Variants in CPNE2 observed in about 807,000 individuals in gnomAD.
CPNE2 encodes the protein copine 2.
Under a neutral mutation model 69.7 loss-of-function variants are expected in CPNE2, and 42 were observed. The observed-to-expected ratio is 0.60, with a 90% CI of 0.47 to 0.78. The LOEUF (loss-of-function observed/expected upper bound fraction) is 0.78. Among genes scored for constraint, CPNE2 ranks in the 30% least tolerant of loss-of-function variants. CPNE2 has a pLI of 0.00. For missense variants in CPNE2, 587 were observed against 732.0 expected (o/e 0.80, Z 2.29); for synonymous variants, 294 against 289.8 (o/e 1.01, Z -0.15).
chr16:57,137,089 G>C, intron 13 of CPNE2, 60 bp from the exon 14 acceptor site: 1 of 1,592,924 alleles, frequency 6.3e-7, no homozygotes, highest in Middle Eastern at 1.7e-4. Flanking sequence ...TCAGCAGTGA[G>C]ATGAGAGTGG....
At chr16:57,093,066 C>T (rs1343135630) in intron 1 of CPNE2, among the ~76,000 whole-genome samples, 1 of 152,088 alleles carries the variant, frequency 6.6e-6, no homozygotes, top group Non-Finnish European at 1.5e-5. Context: ...GGGTCCGAGC[C>T]CAGCTGCTTT....
chr16:57,108,329 A>G (rs2069660515), intron 1 of CPNE2, among the ~76,000 whole-genome samples: 1 of 152,238 alleles, frequency 6.6e-6, no homozygotes, highest in Non-Finnish European at 1.5e-5. Flanking sequence ...AGGATTAGTG[A>G]CATTGTTCAG....
chr16:57,110,753 T>C lies in CPNE2; in HGVS notation c.11T>C (p.Ile4Thr), dbSNP rs1469852013. The C allele has an allele frequency of 1.9e-6, 3 of 1,610,440 alleles. No individual in the cohort carries two copies. Among genetic ancestry groups the C allele is most frequent in the Admixed American group, 1.7e-5 (1 of 59,732 alleles). ...CCGCCACCGGCTCCCATGGCCCACA[T>C]ACCCAGTGGGGGTGCCCCAGCAGCG... MAH[I>T]PSGGAPAAGA... is the part of the protein sequence containing the mutation. Residue 4 changes from isoleucine to threonine, a missense_variant, in exon 2 of 16, where the codon ATA (isoleucine) becomes ACA (threonine). Around this residue, in one of 5 missense-constraint regions of CPNE2, gnomAD observed 96 missense variants for 94.9 expected, o/e 1.01. Transcript: ENST00000290776.
intron 1 of CPNE2, among the ~76,000 whole-genome samples, chr16:57,095,596 C>T (rs1442251537): frequency 6.6e-6 from 1 of 152,178 alleles, no homozygotes; most frequent in African/African-American, 2.4e-5. Context: ...CCTTAGCCTC[C>T]CAAGTAACTG....
At chr16:57,133,589 GTC>G (rs2069854235) in intron 12 of CPNE2, among the ~76,000 whole-genome samples, 1 of 152,172 alleles carries the variant, frequency 6.6e-6, no homozygotes, top group Non-Finnish European at 1.5e-5. Flanking sequence ...GAGCTGAAGA[GTC>G]TGTCTGGGAT....
intron 10 of CPNE2, chr16:57,125,520 G>T (rs2069794293): frequency 2.6e-6 from 1 of 384,578 alleles, no homozygotes; most frequent in Non-Finnish European, 5.1e-6. Context: ...GGCTCTGCAT[G>T]CAGAGCGAAG....
intron 13 of CPNE2, among the ~76,000 whole-genome samples, chr16:57,136,113 C>CT (rs1199614953): frequency 1.4e-5 from 2 of 144,418 alleles, no homozygotes; most frequent in East Asian, 6.5e-4. Context: ...GAAGAAAACT[C>CT]TGAGTGGAGG....
chr16:57,138,885 AC>A (rs1287270286), intron 14 of CPNE2, among the ~76,000 whole-genome samples: 3 of 152,192 alleles, frequency 2.0e-5, no homozygotes, highest in African/African-American at 7.2e-5. Context: ...GCCTAAGGGG[AC>A]CATTGGGACC....
chr16:57,126,473 T>TG (rs2069802040), intron 11 of CPNE2, among the ~76,000 whole-genome samples: 1 of 152,160 alleles, frequency 6.6e-6, no homozygotes, highest in South Asian at 2.1e-4. Context: ...CCTCCTCCCA[T>TG]GACCTTGCTT....
At chr16:57,136,907 CCT>C (rs1385199355) in intron 13 of CPNE2, among the ~76,000 whole-genome samples, 1 of 152,204 alleles carries the variant, frequency 6.6e-6, no homozygotes. Flanking sequence ...GAGCAAGACT[CCT>C]CTCAAAGAAA....
chr16:57,140,901 C>A (rs1463898604), intron 14 of CPNE2: 2 of 123,516 alleles, frequency 1.6e-5, no homozygotes, highest in African/African-American at 3.1e-5. Context: ...TTTTTAATTC[C>A]TGGGTTTGCT....
chr16:57,105,157 C>T (rs111843362), intron 1 of CPNE2, among the ~76,000 whole-genome samples: 5,571 of 152,086 alleles, frequency 0.037, 165 homozygotes, highest in Non-Finnish European at 0.053. Context: ...TGTCTGGGCA[C>T]GAGATGATGG....
chr16:57,117,598 G>A (rs117449101), intron 5 of CPNE2, 31 bp downstream of exon 5: 5 of 1,608,776 alleles, frequency 3.1e-6, no homozygotes, highest in East Asian at 4.5e-5. Context: ...GCTCCCATTG[G>A]GAACAGTAGC....
At position 57,113,353 on chromosome 16, in the gene CPNE2, C is replaced by T. The variant is rs141933983; in HGVS notation, c.246C>T (p.Asp82=). The T allele has an allele frequency of 1.2e-6, 2 of 1,614,206 alleles. No individual in the cohort carries two copies. The highest frequency in any genetic ancestry group is 2.2e-5 in the East Asian group (1 of 44,888). ...CCTTCTCCAAGAAGTTCGTGCTTGACTACCACTTCGAGGAGGTACAGAAGC... is the reference window on the plus strand; with the variant it reads ...CCTTCTCCAAGAAGTTCGTGCTTGATTACCACTTCGAGGAGGTACAGAAGC... The part of the protein sequence containing the change: ...NPAFSKKFVL[D]YHFEEVQKLK... The change falls in exon 3 of 16, where the codon GAC becomes GAT. Residue 82 remains aspartate (D), a synonymous_variant. Coordinates refer to ENST00000290776, the MANE Select transcript of CPNE2 (RefSeq NM_152727.6).
At chr16:57,113,259 T>C in intron 2 of CPNE2, 29 bp from the exon 3 acceptor site, 6 of 1,607,516 alleles carry the variant, frequency 3.7e-6, no homozygotes, top group Non-Finnish European at 5.1e-6. Context: ...GCCTTGACTC[T>C]GACTTCCATT....
chr16:57,136,540 T>C (rs1472376708), intron 13 of CPNE2, among the ~76,000 whole-genome samples: 2 of 152,158 alleles, frequency 1.3e-5, no homozygotes, highest in African/African-American at 2.4e-5. Context: ...TGCCAGAGTG[T>C]AGATTATCAG....
chr16:57,133,960 G>A (rs1289611852), intron 12 of CPNE2, among the ~76,000 whole-genome samples: 5 of 152,182 alleles, frequency 3.3e-5, no homozygotes, highest in African/African-American at 1.2e-4. Context: ...AGGGAAGAAA[G>A]GAGGGACTGT....
chr16:57,122,327 C>T (rs1245953837), intron 9 of CPNE2, among the ~76,000 whole-genome samples: 1 of 152,226 alleles, frequency 6.6e-6, no homozygotes, highest in Non-Finnish European at 1.5e-5. Flanking sequence ...CAGGGCCTGA[C>T]AGCTCAGGAG....
In CPNE2 at chr16:57,136,047, GAAGA is replaced by G. The variant is rs367668082; in HGVS notation, c.1169-1091_1169-1088del. 5.3e-3 allele frequency among the ~76,000 whole-genome samples: 805 copies of G among 150,924 alleles called. 10 individuals are homozygous for G. The highest frequency in any genetic ancestry group is 0.018 in the African/African-American group (729 of 41,038). On this transcript the variant is annotated intron_variant, in intron 13 of 15. Coordinates refer to ENST00000290776, the MANE Select transcript of CPNE2 (RefSeq NM_152727.6). ...GGAGGGGAGGGAGGGAGGAAGAAAG[GAAGA>G]AAGAAAGAAAAAGGAAGATGAAAGA...
Sources: allele counts gnomAD v4.1 joint callset (sites outside exome capture counted in the v4.1 genomes callset), GRCh38; gene constraint gnomAD v4.1.1; regional missense constraint gnomAD v4.1.1; transcripts MANE v1.5; gene names NCBI Gene and HGNC (gene_info 2026-07-23, HGNC 2026-07-21).